Variants in EPB41L4A observed in about 807,000 individuals in gnomAD.
EPB41L4A encodes the protein band 4.1-like protein 4A.
Under a neutral mutation model 108.6 loss-of-function variants are expected in EPB41L4A, and 100 were observed. That is an observed-to-expected ratio of 0.92 (90% CI 0.78 to 1.09). The LOEUF (loss-of-function observed/expected upper bound fraction) is 1.09. Ranked by LOEUF, EPB41L4A falls within the 50% of genes least tolerant of loss-of-function variation. EPB41L4A has a pLI of 0.00. For missense variants in EPB41L4A, 1,030 were observed against 842.7 expected (o/e 1.22, Z -2.75); for synonymous variants, 319 against 289.0 (o/e 1.10, Z -1.05).
rs1362807537 is a variant in EPB41L4A, at chr5:112,164,967, C to G, written c.*23G>C. 51 of 1,599,628 alleles carry G rather than the reference C, an allele frequency of 3.2e-5. No individual in the cohort carries two copies. In the East Asian group the frequency reaches 1.1e-3, roughly 36 times the overall value. On this transcript the variant is annotated 3_prime_UTR_variant, in exon 23 of 23. Transcript: ENST00000261486. ...AGTGGCGCACACAACCTTCCCACCC[C>G]TACCCTTGACCCTTCATCAGGATCA...
chr5:112,158,730 G>A (rs189887551), downstream of EPB41L4A, among the ~76,000 whole-genome samples: 1 of 152,236 alleles, frequency 6.6e-6, no homozygotes, highest in African/African-American at 2.4e-5. Flanking sequence ...GATCTGGTGA[G>A]ATCTCCTGAG....
chr5:112,380,728 T>C (rs192374241), intron 1 of EPB41L4A, among the ~76,000 whole-genome samples: 12 of 151,766 alleles, frequency 7.9e-5, no homozygotes, highest in African/African-American at 2.9e-4. Flanking sequence ...ATGTCCCCAA[T>C]TATATGATGC....
intron 1 of EPB41L4A, among the ~76,000 whole-genome samples, chr5:112,362,870 C>G (rs1246700818): frequency 6.6e-6 from 1 of 151,994 alleles, no homozygotes; most frequent in Non-Finnish European, 1.5e-5. Context: ...ATGATGTTTC[C>G]TAAAAGTAGC....
At chr5:112,284,208 G>A (rs1753136157) in intron 2 of EPB41L4A, among the ~76,000 whole-genome samples, 1 of 152,206 alleles carries the variant, frequency 6.6e-6, no homozygotes, top group Admixed American at 6.5e-5. Context: ...CCCCACGTGA[G>A]GGGAAAGAGG....
chr5:112,343,269 C>T (rs1757434768), intron 1 of EPB41L4A, among the ~76,000 whole-genome samples: 1 of 152,130 alleles, frequency 6.6e-6, no homozygotes, highest in Non-Finnish European at 1.5e-5. Flanking sequence ...GTTTCTCAGT[C>T]CTTCTGCTTA....
At chr5:112,352,530 A>T (rs1269510645) in intron 1 of EPB41L4A, among the ~76,000 whole-genome samples, 1 of 152,250 alleles carries the variant, frequency 6.6e-6, no homozygotes, top group African/African-American at 2.4e-5. Flanking sequence ...AGGATAGACT[A>T]TATGTGAAGC....
chr5:112,280,808 A>C (rs977054897), intron 2 of EPB41L4A, among the ~76,000 whole-genome samples: 1 of 152,190 alleles, frequency 6.6e-6, no homozygotes, highest in African/African-American at 2.4e-5. Context: ...GGCCTCAAAA[A>C]AAATGTCCTC....
chr5:112,348,592 G>C (rs1247131195), intron 1 of EPB41L4A, among the ~76,000 whole-genome samples: 1 of 152,270 alleles, frequency 6.6e-6, no homozygotes, highest in African/African-American at 2.4e-5. Context: ...TGGGGGAGGG[G>C]TGAGCTCACG....
intron 1 of EPB41L4A, among the ~76,000 whole-genome samples, chr5:112,366,206 C>T (rs545838210): frequency 6.6e-6 from 1 of 152,040 alleles, no homozygotes; most frequent in East Asian, 1.9e-4. Context: ...CACCTGCAAC[C>T]ACAGCTCCAC....
At chr5:112,378,556 T>C (rs770136962) in intron 1 of EPB41L4A, among the ~76,000 whole-genome samples, 3 of 152,064 alleles carry the variant, frequency 2.0e-5, no homozygotes, top group Non-Finnish European at 4.4e-5. Context: ...ACAACAAAAT[T>C]TGTAACACAG....
rs1345215353 is a variant in EPB41L4A at position 112,405,949 on chromosome 5, T to G, written c.99+12992A>C. ...ATGCTACTAGGTACACAATAAGCTC[T>G]GAATATATTCTTGTAGAATTGAGTT... On this transcript the variant is annotated intron_variant, in intron 1 of 22. Coordinates refer to ENST00000261486, the MANE Select transcript of EPB41L4A (RefSeq NM_022140.5). Among the ~76,000 whole-genome samples, 12 of 152,252 alleles carry G rather than the reference T, an allele frequency of 7.9e-5. 1 individual carries two copies. The highest frequency in any genetic ancestry group is 7.2e-4 in the Admixed American group (11 of 15,282).
intron 2 of EPB41L4A, among the ~76,000 whole-genome samples, chr5:112,281,268 C>T (rs567889278): frequency 3.3e-5 from 5 of 152,306 alleles, no homozygotes; most frequent in African/African-American, 1.2e-4. Context: ...AGTTAATGAA[C>T]AGAATTTCAA....
At chr5:112,187,623 G>GTCT (rs1761491268) in intron 17 of EPB41L4A, among the ~76,000 whole-genome samples, 1 of 152,096 alleles carries the variant, frequency 6.6e-6, no homozygotes, top group African/African-American at 2.4e-5. Context: ...CTTCTTTCCT[G>GTCT]TCTTACCAAT....
chr5:112,210,049 A>G (rs1762661453), intron 12 of EPB41L4A, 67 bp from the exon 13 acceptor site: 1 of 978,252 alleles, frequency 1.0e-6, no homozygotes, highest in South Asian at 1.5e-5. Flanking sequence ...AAAGAAACAG[A>G]AGACTTATTT....
intron 15 of EPB41L4A, among the ~76,000 whole-genome samples, chr5:112,199,941 C>T (rs538388799): frequency 1.2e-4 from 19 of 152,232 alleles, no homozygotes; most frequent in Non-Finnish European, 2.1e-4. Flanking sequence ...CCCACTTTCA[C>T]CATTTCTCCA....
intron 1 of EPB41L4A, among the ~76,000 whole-genome samples, chr5:112,353,365 C>A (rs1014417816): frequency 1.3e-5 from 2 of 152,196 alleles, no homozygotes; most frequent in Non-Finnish European, 1.5e-5. Flanking sequence ...CCGGCAGTGG[C>A]GGGCTGAGCA....
chr5:112,231,756 C>T (rs558584325), intron 12 of EPB41L4A, among the ~76,000 whole-genome samples: 194 of 128,014 alleles, frequency 1.5e-3, no homozygotes, highest in Admixed American at 6.8e-3. Context: ...CTGCAGTCCG[C>T]AGTCCGGCCT....
chr5:112,300,887 C>A (rs1023373498), intron 2 of EPB41L4A, among the ~76,000 whole-genome samples: 5 of 151,900 alleles, frequency 3.3e-5, no homozygotes, highest in Non-Finnish European at 7.4e-5. Context: ...AATTTGATAA[C>A]CTTATCTTCG....
At chr5:112,360,422 C>T (rs1251645991) in intron 1 of EPB41L4A, among the ~76,000 whole-genome samples, 8 of 152,280 alleles carry the variant, frequency 5.3e-5, no homozygotes, top group South Asian at 2.1e-4. Flanking sequence ...TGCAGGCGCG[C>T]ACCGCCACGC....
Sources: allele counts gnomAD v4.1 joint callset (sites outside exome capture counted in the v4.1 genomes callset), GRCh38; gene constraint gnomAD v4.1.1; transcripts MANE v1.5; gene names NCBI Gene and HGNC (gene_info 2026-07-23, HGNC 2026-07-21).